The following FBN2 variants were observed in gnomAD, a reference collection of about 807,000 sequenced individuals.
The protein encoded by FBN2 is fibrillin 2, also known as fibrillin-2.
In FBN2, 105 loss-of-function variants were observed where a neutral mutation model predicts 355.6. The ratio of observed to expected loss-of-function variants is 0.30; its 90% CI spans 0.25 to 0.35. The LOEUF is 0.35. Ranked by LOEUF, FBN2 falls within the 10% of genes least tolerant of loss-of-function variation. FBN2 has a pLI of 1.00. For synonymous variants in FBN2, 1,350 were observed against 1,301.2 expected, an observed-to-expected ratio of 1.04 and a Z score of -0.81; for missense variants, 3,280 against 3,758.7, an observed-to-expected ratio of 0.87 and a Z score of 3.33.
intron 6 of FBN2, among the ~76,000 whole-genome samples, chr5:128,454,175 CT>C (rs1385042707): frequency 6.6e-6 from 1 of 152,194 alleles, no homozygotes; most frequent in Non-Finnish European, 1.5e-5. Flanking sequence ...AAAACTCTCC[CT>C]GTCCCAGTGA....
At chr5:128,459,262 A>G (rs1754492900) in intron 6 of FBN2, among the ~76,000 whole-genome samples, 1 of 152,120 alleles carries the variant, frequency 6.6e-6, no homozygotes, top group Admixed American at 6.5e-5. Context: ...AACAAGTTGA[A>G]CCCCTAAATA....
At chr5:128,479,869 G>C (rs772398818) in intron 5 of FBN2, among the ~76,000 whole-genome samples, 1 of 149,848 alleles carries the variant, frequency 6.7e-6, no homozygotes, top group African/African-American at 2.5e-5. Flanking sequence ...CAAGGCTGCA[G>C]TGAGCTATGT....
At chr5:128,447,107 C>A (rs1754086169) in intron 6 of FBN2, among the ~76,000 whole-genome samples, 1 of 152,108 alleles carries the variant, frequency 6.6e-6, no homozygotes, top group African/African-American at 2.4e-5. Context: ...TCTTCGTAAG[C>A]TGAGGATGTA....
chr5:128,288,014 G>C (rs32211), intron 53 of FBN2, among the ~76,000 whole-genome samples: 17,657 of 152,154 alleles, frequency 0.12, 2,030 homozygotes, highest in East Asian at 0.6. Context: ...TGAGGCCTGA[G>C]GGTCTGCTAT....
In FBN2 at chr5:128,266,262, C is replaced by T. The variant is rs565276273; in HGVS notation, c.7961-2606G>A. On this transcript the variant is annotated intron_variant, in intron 62 of 64. Transcript: ENST00000262464. ...TGAAATAAATCCCTGATGTGTCGTA[C>T]CCAGGCACCTGCTGCTTAGAGGTAC... Among the ~76,000 whole-genome samples the T allele has an allele frequency of 8.5e-5, 13 of 152,288 alleles. No individual in the cohort carries two copies. In the South Asian group the frequency reaches 2.3e-3, roughly 27 times the overall value.
At chr5:128,357,036 T>G (rs1035273898) in intron 20 of FBN2, among the ~76,000 whole-genome samples, 2 of 152,222 alleles carry the variant, frequency 1.3e-5, no homozygotes, top group Non-Finnish European at 2.9e-5. Flanking sequence ...TTATAAGTTA[T>G]AGCATAATAT....
At chr5:128,383,705 A>G (rs1752294094) in intron 11 of FBN2, among the ~76,000 whole-genome samples, 1 of 152,114 alleles carries the variant, frequency 6.6e-6, no homozygotes, top group South Asian at 2.1e-4. Flanking sequence ...AAAGATGGTC[A>G]ACATCTTTTT....
chr5:128,334,626 CGCTCT>C, intron 31 of FBN2, 88 bp downstream of exon 31: 1 of 1,337,992 alleles, frequency 7.5e-7, no homozygotes, highest in Non-Finnish European at 1.1e-6. Context: ...GGCAGGTAAC[CGCTCT>C]AAGAGATGCC....
At chr5:128,318,758 CT>C in intron 35 of FBN2, 120 bp downstream of exon 35, 1 of 986,952 alleles carries the variant, frequency 1.0e-6, no homozygotes, top group East Asian at 2.5e-5. Context: ...TTTTCTTTTT[CT>C]GAAAAATGTG....
chr5:128,465,159 T>C (rs149514168), intron 5 of FBN2, among the ~76,000 whole-genome samples: 1 of 152,352 alleles, frequency 6.6e-6, no homozygotes, highest in African/African-American at 2.4e-5. Flanking sequence ...GTGTCTGGGA[T>C]ACAGATGTGC....
intron 49 of FBN2, among the ~76,000 whole-genome samples, chr5:128,291,107 G>A (rs1037075893): frequency 1.3e-5 from 2 of 152,036 alleles, no homozygotes; most frequent in Admixed American, 6.5e-5. Context: ...AAGAAAATTC[G>A]AGAAATCATG....
intron 34 of FBN2, among the ~76,000 whole-genome samples, chr5:128,326,764 G>C (rs972919728): frequency 6.6e-6 from 1 of 152,090 alleles, no homozygotes; most frequent in Non-Finnish European, 1.5e-5. Flanking sequence ...GTCCAACTGA[G>C]GGTGAACTAC....
intron 5 of FBN2, among the ~76,000 whole-genome samples, chr5:128,491,959 T>C (rs780049017): frequency 6.6e-6 from 1 of 152,220 alleles, no homozygotes; most frequent in Non-Finnish European, 1.5e-5. Context: ...CTATGATCTA[T>C]AAATTCTCTT....
intron 32 of FBN2, among the ~76,000 whole-genome samples, chr5:128,332,185 A>G (rs1750712430): frequency 6.6e-6 from 1 of 152,160 alleles, no homozygotes; most frequent in African/African-American, 2.4e-5. Context: ...CTGAGGGCCT[A>G]TATATTTTTT....
chr5:128,378,008 G>GTTTT (rs373419300), intron 12 of FBN2, 131 bp from the exon 13 acceptor site: 6,033 of 504,510 alleles, frequency 0.012, 1 homozygote, highest in Non-Finnish European at 0.015. Context: ...TCTCTCAGCA[G>GTTTT]TTTTTTTTTT....
intron 3 of FBN2, among the ~76,000 whole-genome samples, chr5:128,530,358 A>T (rs568816928): frequency 6.6e-6 from 1 of 152,216 alleles, no homozygotes; most frequent in Non-Finnish European, 1.5e-5. Flanking sequence ...GAGACTATAC[A>T]CTTAGGCATC....
chr5:128,335,223 C>T lies in FBN2; in HGVS notation c.3920G>A (p.Arg1307His), dbSNP rs139428175. ...CATGAAGCCATCATAGCAGAGGCAG[C>T]GATACTCTCCAGGAATGTTGGTACA... ...GQCTNIPGEY[R>H]CLCYDGFMAS... The change falls in exon 30 of 65, where the codon CGC becomes CAC. Residue 1307 changes from arginine (R) to histidine (H), a missense_variant. Physicochemically the swap from Arg to His is conservative, Grantham distance 29. Transcript: ENST00000262464. 1.7e-5 allele frequency: 27 copies of T among 1,614,038 alleles called. No homozygotes were observed. In the East Asian group the frequency reaches 1.8e-4, roughly 11 times the overall value.
chr5:128,415,901 G>C (rs904970628), intron 7 of FBN2, among the ~76,000 whole-genome samples: 2 of 152,010 alleles, frequency 1.3e-5, no homozygotes, highest in African/African-American at 4.8e-5. Flanking sequence ...ATTTTAACTG[G>C]AATAAGATGA....
At chr5:128,519,570 T>G (rs1448868511) in intron 4 of FBN2, among the ~76,000 whole-genome samples, 1 of 152,094 alleles carries the variant, frequency 6.6e-6, no homozygotes, top group East Asian at 1.9e-4. Flanking sequence ...AGACAAAAAC[T>G]TACATACTTC....
Sources: allele counts gnomAD v4.1 joint callset (sites outside exome capture counted in the v4.1 genomes callset), GRCh38; gene constraint gnomAD v4.1.1; transcripts MANE v1.5; gene names NCBI Gene and HGNC (gene_info 2026-07-23, HGNC 2026-07-21).